The following WNT8B variants were observed in gnomAD, a reference collection of about 807,000 sequenced individuals.
WNT8B encodes the protein protein Wnt-8b.
In WNT8B, 24 loss-of-function variants were observed where a neutral mutation model predicts 36.6. The observed-to-expected ratio is 0.66, with a 90% CI of 0.48 to 0.92. WNT8B has a LOEUF of 0.92. Ranked by LOEUF, WNT8B falls within the 40% of genes least tolerant of loss-of-function variation. The pLI, the probability that WNT8B is intolerant of heterozygous loss-of-function variation, is 0.00. For synonymous variants in WNT8B, 199 were observed against 189.8 expected, an observed-to-expected ratio of 1.05 and a Z score of -0.40; for missense variants, 402 against 470.8, an observed-to-expected ratio of 0.85 and a Z score of 1.35.
chr10:100,481,219 A>C, intron 4 of WNT8B, 96 bp downstream of exon 4: 6 of 1,480,232 alleles, frequency 4.1e-6, no homozygotes, highest in Non-Finnish European at 5.4e-6. Context: ...ATTCTTCTAA[A>C]TATGAAGAAA....
chr10:100,470,806 A>C (rs1193483866), intron 1 of WNT8B, among the ~76,000 whole-genome samples: 3 of 152,222 alleles, frequency 2.0e-5, no homozygotes, highest in Non-Finnish European at 4.4e-5. Flanking sequence ...CAGTGGCGCA[A>C]TCTCGGCTGA....
intron 1 of WNT8B, among the ~76,000 whole-genome samples, chr10:100,477,321 G>A (rs912697334): frequency 2.6e-5 from 4 of 151,532 alleles, no homozygotes; most frequent in African/African-American, 9.7e-5. Context: ...TTATTTTTGA[G>A]TTGGAGTCTC....
intron 1 of WNT8B, among the ~76,000 whole-genome samples, chr10:100,475,439 C>A (rs1379391077): frequency 6.6e-6 from 1 of 152,154 alleles, no homozygotes; most frequent in Non-Finnish European, 1.5e-5. Flanking sequence ...TAGTGTTGTT[C>A]CATGACAGGT....
chr10:100,475,995 A>G (rs570745336), intron 1 of WNT8B, among the ~76,000 whole-genome samples: 1 of 152,280 alleles, frequency 6.6e-6, no homozygotes, highest in East Asian at 1.9e-4. Context: ...CAAGCTTTAA[A>G]AAGTAGGCCT....
chr10:100,482,438 C>T lies in WNT8B; in HGVS notation c.678C>T (p.Asn226=), dbSNP rs765749032. 8.7e-6 allele frequency: 14 copies of T among 1,606,082 alleles called. No individual in the cohort carries two copies. Among genetic ancestry groups the T allele is most frequent in the Non-Finnish European group, 1.2e-5 (14 of 1,179,894 alleles). ...TGGACCTGCTGCAGGGTGCTGGCAA[C>T]AGCGCGGCCGGCCGCGGCGCCATCG... The part of the protein sequence containing the change: ...LKVDLLQGAG[N]SAAGRGAIAD... The change falls in exon 6 of 6, where the codon AAC becomes AAT. Residue 226 remains asparagine, a synonymous_variant. Transcript: ENST00000343737. The surrounding 1 kb of genome is among the most constrained non-coding windows in gnomAD (Gnocchi z 6.6).
At chr10:100,480,855 T>TA in intron 3 of WNT8B, 143 bp from the exon 4 acceptor site, 1 of 1,050,588 alleles carries the variant, frequency 9.5e-7, no homozygotes, top group Non-Finnish European at 1.3e-6. Context: ...AAATAAAAGT[T>TA]AAAAAATAAT....
chr10:100,479,857 C>G lies in WNT8B; in HGVS notation c.103-17C>G, dbSNP rs768114013. On this transcript the variant is annotated splice_polypyrimidine_tract_variant and intron_variant, in intron 2 of 5. Transcript: ENST00000343737. Reference sequence around the variant, plus strand: ...CTCCTAAGTTCAGTCTGAATTTTTACCCCTATGTCCCTACAGGCTTACCTG... The same window carrying G: ...CTCCTAAGTTCAGTCTGAATTTTTAGCCCTATGTCCCTACAGGCTTACCTG... The G allele has an allele frequency of 3.7e-6, 6 of 1,612,718 alleles. No homozygotes were observed. The East Asian group carries it at 6.7e-5, about 18-fold the overall frequency.
intron 1 of WNT8B, among the ~76,000 whole-genome samples, chr10:100,467,660 G>A (rs1850921490): frequency 6.6e-6 from 1 of 152,176 alleles, no homozygotes; most frequent in Admixed American, 6.5e-5. Flanking sequence ...ACGTTATCCT[G>A]TCTGGTATTT....
chr10:100,482,229 C>A lies in WNT8B; in HGVS notation c.511-42C>A. The A allele has an allele frequency of 1.3e-6, 2 of 1,543,430 alleles. No individual in the cohort carries two copies. The highest frequency in any genetic ancestry group is 2.3e-5 in the East Asian group (1 of 44,128). On this transcript the variant is annotated intron_variant, in intron 5 of 5. Coordinates refer to ENST00000343737, the MANE Select transcript of WNT8B (RefSeq NM_003393.4). This position sits in a 1 kb window ranked among gnomAD's most constrained non-coding sequence, Gnocchi z 6.6. ...CCCACAGGGGCAGTTAAACTCGCCA[C>A]GCGCTTAATCCGGGGCCTCTCACTC...
Position 100,479,033 on chromosome 10 carries a change from T to G in WNT8B, c.69-19T>G, listed in dbSNP as rs748533911. On this transcript the variant is annotated intron_variant, in intron 1 of 5. Coordinates refer to ENST00000343737, the MANE Select transcript of WNT8B (RefSeq NM_003393.4). ...GTCTCTGCATTATATTCTGTTTTTGTTTTTTTTTTCCCTTATAGGTCGGTG... is the reference window on the plus strand; with the variant it reads ...GTCTCTGCATTATATTCTGTTTTTGGTTTTTTTTTCCCTTATAGGTCGGTG... 2.0e-5 allele frequency: 29 copies of G among 1,483,120 alleles called. No individual in the cohort carries two copies. Among genetic ancestry groups the G allele is most frequent in the South Asian group, 6.4e-5 (5 of 77,588 alleles). The allele number at this position is 1,483,120 out of a possible 1,614,324, so 91.9% of individuals were successfully genotyped here.
intron 1 of WNT8B, among the ~76,000 whole-genome samples, chr10:100,465,359 G>C (rs1041644533): frequency 4.6e-5 from 7 of 152,134 alleles, no homozygotes; most frequent in Non-Finnish European, 7.3e-5. Flanking sequence ...GATAGAGAAT[G>C]AGAATGCATG....
At chr10:100,471,068 C>G (rs1018751838) in intron 1 of WNT8B, among the ~76,000 whole-genome samples, 1 of 152,306 alleles carries the variant, frequency 6.6e-6, no homozygotes, top group South Asian at 2.1e-4. Flanking sequence ...TACACAAATG[C>G]TTACCATCAT....
At chr10:100,480,053 C>A in intron 3 of WNT8B, 41 bp downstream of exon 3, 2 of 1,605,346 alleles carry the variant, frequency 1.2e-6, no homozygotes, top group South Asian at 2.2e-5. Flanking sequence ...ACCCTCTGGT[C>A]ACAGGTTAGA....
intron 1 of WNT8B, among the ~76,000 whole-genome samples, chr10:100,476,717 C>T (rs537822482): frequency 3.9e-4 from 60 of 152,166 alleles, no homozygotes; most frequent in African/African-American, 1.4e-3. Context: ...AGTCTTTAGC[C>T]CTGCAGATCA....
intron 2 of WNT8B, 82 bp from the exon 3 acceptor site, chr10:100,479,792 G>C: frequency 1.3e-6 from 2 of 1,534,166 alleles, no homozygotes; most frequent in South Asian, 2.5e-5. Flanking sequence ...ATGGGAGAGT[G>C]AGCAGGAAGA....
At chr10:100,476,843 C>G (rs1323615470) in intron 1 of WNT8B, among the ~76,000 whole-genome samples, 1 of 152,174 alleles carries the variant, frequency 6.6e-6, no homozygotes, top group Non-Finnish European at 1.5e-5. Context: ...CCAACCTCCC[C>G]CAGTGTGAAC....
chr10:100,472,680 G>A (rs2133653518), intron 1 of WNT8B, among the ~76,000 whole-genome samples: 1 of 152,260 alleles, frequency 6.6e-6, no homozygotes, highest in South Asian at 2.1e-4. Flanking sequence ...AGAAACAATT[G>A]TAAAATTTTG....
intron 1 of WNT8B, among the ~76,000 whole-genome samples, chr10:100,475,258 G>A (rs9420782): frequency 0.24 from 36,994 of 151,758 alleles, 4,736 homozygotes; most frequent in African/African-American, 0.31. Flanking sequence ...CAAACAAACA[G>A]AAAAACACAA....
At chr10:100,480,946 T>C (rs1008524094) in intron 3 of WNT8B, 52 bp from the exon 4 acceptor site, 23 of 1,595,486 alleles carry the variant, frequency 1.4e-5, no homozygotes, top group Non-Finnish European at 2.0e-5. Flanking sequence ...TGTCTGGTAT[T>C]TCTTTAAGCT....
Sources: gnomAD v4.1 joint callset for allele counts (sites outside exome capture counted in the v4.1 genomes callset) on GRCh38, gnomAD v4.1.1 for gene constraint, Gnocchi (gnomAD v3.1) non-coding constraint, MANE v1.5 for transcripts, NCBI Gene and HGNC (gene_info 2026-07-23, HGNC 2026-07-21) for gene names.